ANKS1A: variants seen among roughly 807,000 people sequenced by gnomAD.
The protein encoded by ANKS1A is ankyrin repeat and sterile alpha motif domain containing 1A, also known as ankyrin repeat and SAM domain-containing protein 1A.
ANKS1A carries 55 observed loss-of-function variants against 120.3 expected under a neutral mutation model. That is an observed-to-expected ratio of 0.46 (90% CI 0.37 to 0.57). The LOEUF is 0.57. Ranked by LOEUF, ANKS1A falls within the 20% of genes least tolerant of loss-of-function variation. The pLI is 0.00. For missense variants in ANKS1A, 1,123 were observed against 1,480.3 expected, an observed-to-expected ratio of 0.76 and a Z score of 3.96; for synonymous variants, 590 against 604.7, an observed-to-expected ratio of 0.98 and a Z score of 0.36.
intron 8 of ANKS1A, 47 bp downstream of exon 8, chr6:34,985,325 T>TGGCC: frequency 6.3e-7 from 1 of 1,586,236 alleles, no homozygotes; most frequent in Non-Finnish European, 8.6e-7. Flanking sequence ...GTTGGCTGGC[T>TGGCC]GGCCCCTGAG....
chr6:35,087,350 C>T (rs187947672), intron 23 of ANKS1A, among the ~76,000 whole-genome samples: 13 of 152,318 alleles, frequency 8.5e-5, no homozygotes, highest in Non-Finnish European at 1.6e-4. Context: ...CTGTTGCACC[C>T]TGGAAGCCTC....
chr6:35,079,566 G>A lies in ANKS1A; in HGVS notation c.2334G>A (p.Trp778Ter). The A allele has an allele frequency of 6.2e-7, 1 of 1,614,114 alleles. No homozygotes were observed. Among genetic ancestry groups the A allele is most frequent in the Non-Finnish European group, 8.5e-7 (1 of 1,179,992 alleles). ...DGNSPPSVPS[W>*]LDSLGLQDYV... is the part of the protein sequence containing the mutation. ...ACAGCCCCCCTAGCGTGCCCTCCTGGCTGGACTCCCTGGGGCTGCAGGACT... is the reference window on the plus strand; with the variant it reads ...ACAGCCCCCCTAGCGTGCCCTCCTGACTGGACTCCCTGGGGCTGCAGGACT... The change falls in exon 15 of 24, where the codon TGG (tryptophan) becomes TGA (stop). Residue 778 changes from tryptophan (W) to a stop codon, truncating the protein, a stop_gained. Coordinates refer to ENST00000360359, the MANE Select transcript of ANKS1A (RefSeq NM_015245.3). LOFTEE classifies it high-confidence loss of function.
At chr6:35,008,987 A>G (rs546443587) in intron 10 of ANKS1A, among the ~76,000 whole-genome samples, 71 of 152,328 alleles carry the variant, frequency 4.7e-4, no homozygotes, top group African/African-American at 1.7e-3. Context: ...GGAGAATGGT[A>G]AGAGTAATCC....
At chr6:34,953,857 TAGAATC>T (rs762869879) in intron 1 of ANKS1A, among the ~76,000 whole-genome samples, 3 of 152,122 alleles carry the variant, frequency 2.0e-5, no homozygotes, top group African/African-American at 2.4e-5. Flanking sequence ...GACTCACCCT[TAGAATC>T]AGAATTGTGG....
chr6:35,062,271 G>A (rs955521255), intron 13 of ANKS1A, among the ~76,000 whole-genome samples: 1 of 152,176 alleles, frequency 6.6e-6, no homozygotes, highest in Non-Finnish European at 1.5e-5. Flanking sequence ...GGGTGAGCCG[G>A]GACCTCAGAT....
intron 10 of ANKS1A, among the ~76,000 whole-genome samples, chr6:35,009,223 A>G (rs1773616908): frequency 6.6e-6 from 1 of 152,182 alleles, no homozygotes; most frequent in Non-Finnish European, 1.5e-5. Flanking sequence ...CTCCAAGGTA[A>G]TTGGAGCCCA....
chr6:34,947,287 C>T (rs1194400670), intron 1 of ANKS1A, among the ~76,000 whole-genome samples: 1 of 151,738 alleles, frequency 6.6e-6, no homozygotes, highest in Non-Finnish European at 1.5e-5. Context: ...CTTGGGACTA[C>T]AGGCGCCCGC....
chr6:34,938,531 C>A (rs1465944621), intron 1 of ANKS1A, among the ~76,000 whole-genome samples: 2 of 152,246 alleles, frequency 1.3e-5, no homozygotes, highest in Non-Finnish European at 2.9e-5. Context: ...CGAACACACT[C>A]ATTCTTCCAT....
At chr6:35,054,335 G>A (rs1368111214) in intron 12 of ANKS1A, among the ~76,000 whole-genome samples, 170 bp downstream of exon 12, 1 of 152,150 alleles carries the variant, frequency 6.6e-6, no homozygotes, top group Non-Finnish European at 1.5e-5. Context: ...GCCCCATCTT[G>A]CTGTTATTTT....
Position 35,057,578 on chromosome 6 carries a change from T to C in ANKS1A, c.2078-2569T>C, listed in dbSNP as rs1776278867. Reference sequence around the variant, plus strand: ...CTGTCCCTGTACCTGTTTTATCTTTTTGGCCTGTCTCCATCTGTACTTGGG... The same window carrying C: ...CTGTCCCTGTACCTGTTTTATCTTTCTGGCCTGTCTCCATCTGTACTTGGG... On this transcript the variant is annotated intron_variant, in intron 12 of 23. Transcript: ENST00000360359. The surrounding 1 kb of genome is among the most constrained non-coding windows in gnomAD (Gnocchi z 4.1). 6.6e-6 allele frequency among the ~76,000 whole-genome samples: 1 copy of C among 152,182 alleles called. No individual in the cohort carries two copies. Among genetic ancestry groups the C allele is most frequent in the African/African-American group, 2.4e-5 (1 of 41,454 alleles).
chr6:35,090,326 C>G lies in ANKS1A; in HGVS notation c.*1717C>G. 7.8e-7 allele frequency: 1 copy of G among 1,285,514 alleles called. No homozygotes were observed. The highest frequency in any genetic ancestry group is 1.0e-6 in the Non-Finnish European group (1 of 985,980). 79.6% of individuals were successfully genotyped at this position (1,285,514 alleles called of 1,614,324 possible). The stretch of plus-strand genomic sequence containing the variant: ...ACCCTAAAGCATCCAGAGTAGACTG[C>G]GCTGCCACTGCGCACATGCTGGTGC... On this transcript the variant is annotated 3_prime_UTR_variant, in exon 24 of 24. Coordinates refer to ENST00000360359, the MANE Select transcript of ANKS1A (RefSeq NM_015245.3).
intron 1 of ANKS1A, among the ~76,000 whole-genome samples, chr6:34,966,900 G>A (rs1389496991): frequency 6.6e-6 from 1 of 152,128 alleles, no homozygotes; most frequent in African/African-American, 2.4e-5. Flanking sequence ...AGGAGTGAGA[G>A]GTCAATACCT....
At position 35,088,774 on chromosome 6, in the gene ANKS1A, C is replaced by A; in HGVS notation, c.*165C>A. 6.5e-7 allele frequency: 1 copy of A among 1,545,940 alleles called. No individual in the cohort carries two copies. Among genetic ancestry groups the A allele is most frequent in the South Asian group, 1.2e-5 (1 of 84,476 alleles). On this transcript the variant is annotated 3_prime_UTR_variant, in exon 24 of 24. Transcript: ENST00000360359. Reference sequence around the variant, plus strand: ...GGCCTGGGCCTGCCACCACCACGTCCTGCAGAACGAGCCCTGCCTTGGCTG... The same window carrying A: ...GGCCTGGGCCTGCCACCACCACGTCATGCAGAACGAGCCCTGCCTTGGCTG...
At chr6:34,890,313 A>C (rs983527965) in intron 1 of ANKS1A, among the ~76,000 whole-genome samples, 3 of 152,098 alleles carry the variant, frequency 2.0e-5, no homozygotes, top group Non-Finnish European at 4.4e-5. Context: ...GCTGGTCTCG[A>C]ACTCTTGACC....
At chr6:35,039,553 A>T in intron 11 of ANKS1A, 1 of 456,380 alleles carries the variant, frequency 2.2e-6, no homozygotes, top group Non-Finnish European at 4.4e-6. Flanking sequence ...GCTTTATAAC[A>T]TTTCTGTTCC....
In ANKS1A at chr6:34,902,341, C is replaced by T. The variant is rs567480774; in HGVS notation, c.197+12742C>T. ...TCGGCTCCCTGCAACCTCCACCTGCCGGGTTCAAACAATTCTCCTGCCTCA... is the reference window on the plus strand; with the variant it reads ...TCGGCTCCCTGCAACCTCCACCTGCTGGGTTCAAACAATTCTCCTGCCTCA... On this transcript the variant is annotated intron_variant, in intron 1 of 23. Coordinates refer to ENST00000360359, the MANE Select transcript of ANKS1A (RefSeq NM_015245.3). Among the ~76,000 whole-genome samples, 99 of 152,004 alleles carry T rather than the reference C, an allele frequency of 6.5e-4. 1 individual carries two copies. Among genetic ancestry groups the T allele is most frequent in the African/African-American group, 2.2e-3 (93 of 41,482 alleles).
At chr6:34,949,276 T>C (rs1350596114) in intron 1 of ANKS1A, among the ~76,000 whole-genome samples, 2 of 152,102 alleles carry the variant, frequency 1.3e-5, no homozygotes, top group East Asian at 3.9e-4. Context: ...AGATGGATGG[T>C]GCATAGCTGA....
chr6:35,093,089 C>G (rs1163299095), downstream of ANKS1A, among the ~76,000 whole-genome samples: 4 of 152,056 alleles, frequency 2.6e-5, no homozygotes, highest in Non-Finnish European at 4.4e-5. Context: ...CACACTGCAC[C>G]CACTGTCATC....
In ANKS1A at chr6:35,082,565, TC is replaced by T; in HGVS notation, c.2710-124del. On this transcript the variant is annotated intron_variant, in intron 17 of 23. Coordinates refer to ENST00000360359, the MANE Select transcript of ANKS1A (RefSeq NM_015245.3). The surrounding 1 kb of genome is among the most constrained non-coding windows in gnomAD (Gnocchi z 4.1). ...AATTGCTGGTCTGCCCCCTGCCATC[TC>T]CACTCGACCCTTGAACTTGCTAAGG... The T allele has an allele frequency of 1.6e-6, 2 of 1,258,154 alleles. No homozygotes were observed. Among genetic ancestry groups the T allele is most frequent in the Non-Finnish European group, 2.1e-6 (2 of 935,978 alleles). The allele number at this position is 1,258,154 out of a possible 1,614,324, so 77.9% of individuals were successfully genotyped here.
Sources: gnomAD v4.1 joint callset for allele counts (sites outside exome capture counted in the v4.1 genomes callset) on GRCh38, gnomAD v4.1.1 for gene constraint, Gnocchi (gnomAD v3.1) non-coding constraint, MANE v1.5 for transcripts, NCBI Gene and HGNC (gene_info 2026-07-23, HGNC 2026-07-21) for gene names.